The following EDNRB variants were observed in gnomAD, a reference collection of about 807,000 sequenced individuals.
The protein encoded by EDNRB is Hirschsprung disease 2.
Under a neutral mutation model 46.4 loss-of-function variants are expected in EDNRB, and 18 were observed. The ratio of observed to expected loss-of-function variants is 0.39; its 90% CI spans 0.27 to 0.57. The LOEUF (loss-of-function observed/expected upper bound fraction) is 0.57, where lower values mean the gene tolerates loss of function less well. Among genes scored for constraint, EDNRB ranks in the 20% least tolerant of loss-of-function variants. The pLI is 0.61. For missense variants in EDNRB, 434 were observed against 537.5 expected (o/e 0.81, Z 1.90); for synonymous variants, 213 against 204.9 (o/e 1.04, Z -0.34).
At chr13:77,959,942 T>C (rs1411305892) in intron 1 of EDNRB, among the ~76,000 whole-genome samples, 3 of 152,182 alleles carry the variant, frequency 2.0e-5, no homozygotes, top group African/African-American at 4.8e-5. Context: ...GTATCAGTGA[T>C]TGAAGATCAA....
chr13:77,903,681 A>G, intron 1 of EDNRB, 74 bp from the exon 2 acceptor site: 1 of 1,234,658 alleles, frequency 8.1e-7, no homozygotes, highest in Admixed American at 1.7e-5. Context: ...CTTAGTGAAG[A>G]GTAATTAACA....
At chr13:77,936,825 C>T (rs1208019456) in intron 1 of EDNRB, among the ~76,000 whole-genome samples, 1 of 152,250 alleles carries the variant, frequency 6.6e-6, no homozygotes, top group African/African-American at 2.4e-5. Flanking sequence ...TGCTTGACTG[C>T]TGCGGCTTAG....
chr13:77,971,137 T>C (rs1881715196), intron 1 of EDNRB, among the ~76,000 whole-genome samples: 1 of 152,180 alleles, frequency 6.6e-6, no homozygotes. Context: ...CTGAGTCCAA[T>C]ACCTCTACAC....
chr13:77,907,873 T>C (rs1440759260), intron 1 of EDNRB, among the ~76,000 whole-genome samples: 3 of 151,692 alleles, frequency 2.0e-5, no homozygotes, highest in Admixed American at 2.0e-4. Flanking sequence ...CAGCCCAACC[T>C]CTGACCCAAG....
Position 77,908,021 on chromosome 13 carries a change from CA to C in EDNRB, c.484-4415del, listed in dbSNP as rs1215042889. ...TACACTTTTGAAGGGAAAGAGACTG[CA>C]AAAAAAAAAAAAAAAAAAAAAAGAG... On this transcript the variant is annotated intron_variant, in intron 1 of 6. Transcript: ENST00000646607. 1.3e-3 allele frequency among the ~76,000 whole-genome samples: 74 copies of C among 55,108 alleles called. 1 individual carries two copies. The highest frequency in any genetic ancestry group is 0.017 in the Middle Eastern group (1 of 60). 36.2% of individuals were successfully genotyped at this position (55,108 alleles called of 152,430 possible).
upstream of EDNRB, among the ~76,000 whole-genome samples, chr13:77,924,464 G>A (rs1880174878): frequency 6.6e-6 from 1 of 152,186 alleles, no homozygotes; most frequent in Non-Finnish European, 1.5e-5. Context: ...CAAGTACCCT[G>A]CAGAGAGGTA....
intron 1 of EDNRB, among the ~76,000 whole-genome samples, chr13:77,942,885 C>T (rs1256926723): frequency 6.6e-6 from 1 of 152,104 alleles, no homozygotes; most frequent in African/African-American, 2.4e-5. Context: ...TCTTAAAGTA[C>T]TTCCCTCTAC....
chr13:77,953,740 G>A (rs1300748326), intron 1 of EDNRB, among the ~76,000 whole-genome samples: 2 of 152,148 alleles, frequency 1.3e-5, no homozygotes, highest in African/African-American at 2.4e-5. Flanking sequence ...TGAAGTAAAG[G>A]GCATTAGGTA....
At chr13:77,929,455 A>G (rs560406809) in intron 1 of EDNRB, among the ~76,000 whole-genome samples, 9 of 152,204 alleles carry the variant, frequency 5.9e-5, no homozygotes, top group African/African-American at 1.9e-4. Context: ...GGTGGCCTTT[A>G]TTTTCCTAAG....
intron 1 of EDNRB, among the ~76,000 whole-genome samples, chr13:77,926,658 A>C (rs1488061676): frequency 6.6e-6 from 1 of 152,154 alleles, no homozygotes; most frequent in Non-Finnish European, 1.5e-5. Context: ...TCTTCTTCTG[A>C]GCCCTCTAAA....
chr13:77,905,355 T>C (rs528718239), intron 1 of EDNRB, among the ~76,000 whole-genome samples: 9 of 152,134 alleles, frequency 5.9e-5, no homozygotes, highest in African/African-American at 2.2e-4. Flanking sequence ...GTCCAATTCA[T>C]ATATATTTTT....
chr13:77,922,314 G>T (rs1389618459), upstream of EDNRB, among the ~76,000 whole-genome samples: 2 of 152,166 alleles, frequency 1.3e-5, no homozygotes, highest in African/African-American at 4.8e-5. Context: ...TGAAGACAGG[G>T]TTTAATGCAA....
At chr13:77,970,391 G>A (rs1594404798) in intron 1 of EDNRB, among the ~76,000 whole-genome samples, 1 of 152,108 alleles carries the variant, frequency 6.6e-6, no homozygotes, top group Admixed American at 6.6e-5. Context: ...TATTCGGCTG[G>A]GAGAATCGGC....
Position 77,897,283 on chromosome 13 carries a change from CAG to C in EDNRB, c.*915_*916del. On this transcript the variant is annotated 3_prime_UTR_variant, in exon 7 of 7. Transcript: ENST00000646607. Reference sequence around the variant, plus strand: ...AGTATTTACAGATGACAAAACCAAACAGAGTTTAAGCTACGATAGTGAAAGAA... The same window carrying C: ...AGTATTTACAGATGACAAAACCAAACAGTTTAAGCTACGATAGTGAAAGAA... 1.0e-6 allele frequency: 1 copy of C among 985,066 alleles called. No individual in the cohort carries two copies. Among genetic ancestry groups the C allele is most frequent in the Non-Finnish European group, 1.2e-6 (1 of 829,742 alleles). The allele number at this position is 985,066 out of a possible 1,614,324, so 61.0% of individuals were successfully genotyped here. A position where few individuals can be genotyped will look rare whatever the true frequency, so the allele number is the denominator to read the frequency against.
chr13:77,929,715 G>C (rs1880335835), intron 1 of EDNRB, among the ~76,000 whole-genome samples: 1 of 152,148 alleles, frequency 6.6e-6, no homozygotes, highest in South Asian at 2.1e-4. Context: ...GCAAGGAAAG[G>C]AGTCTGGGAA....
Position 77,898,222 on chromosome 13 carries a change from C to T in EDNRB, c.1307G>A (p.Ser436Asn). The change falls in exon 7 of 7, where the codon AGT (serine) becomes AAT (asparagine). Residue 436 changes from serine to asparagine, a missense_variant. Transcript: ENST00000646607. ...CTTTCAAGATGAGCTGTATTTATTACTGGAACGGAAGTTGTCATATCCGTG... is the reference window on the plus strand; with the variant it reads ...CTTTCAAGATGAGCTGTATTTATTATTGGAACGGAAGTTGTCATATCCGTG... ...NDHGYDNFRS[S>N]NKYSSS The T allele has an allele frequency of 6.2e-7, 1 of 1,611,878 alleles. No homozygotes were observed. Among genetic ancestry groups the T allele is most frequent in the Non-Finnish European group, 8.5e-7 (1 of 1,178,722 alleles).
At chr13:77,912,091 G>A (rs1205313572) in intron 1 of EDNRB, among the ~76,000 whole-genome samples, 1 of 152,050 alleles carries the variant, frequency 6.6e-6, no homozygotes, top group Admixed American at 6.6e-5. Flanking sequence ...TGGCTCCCTG[G>A]CCTGGAGACA....
At chr13:77,950,412 G>A (rs567728220) in intron 1 of EDNRB, among the ~76,000 whole-genome samples, 1 of 152,200 alleles carries the variant, frequency 6.6e-6, no homozygotes, top group Non-Finnish European at 1.5e-5. Context: ...AGGAATAGGG[G>A]ACAATGGGTT....
chr13:77,933,394 G>A (rs1025801487), intron 1 of EDNRB, among the ~76,000 whole-genome samples: 2 of 152,150 alleles, frequency 1.3e-5, no homozygotes, highest in African/African-American at 4.8e-5. Context: ...GTCAAAGGGG[G>A]GTTGTTCTCT....
Sources: gnomAD v4.1 joint callset for allele counts (sites outside exome capture counted in the v4.1 genomes callset) on GRCh38, gnomAD v4.1.1 for gene constraint, MANE v1.5 for transcripts, NCBI Gene and HGNC (gene_info 2026-07-23, HGNC 2026-07-21) for gene names.